The following SLC26A4 variants were observed in gnomAD, a reference collection of about 807,000 sequenced individuals.
SLC26A4 encodes the protein solute carrier family 26 member 4, also known as pendrin.
A neutral mutation model predicts 90.4 loss-of-function variants in SLC26A4; 93 were observed. The ratio of observed to expected loss-of-function variants is 1.03; its 90% CI spans 0.87 to 1.22. The LOEUF is 1.22. Ranked by LOEUF, SLC26A4 falls within the 50% of genes most tolerant of loss-of-function variation. The pLI, the probability that SLC26A4 is intolerant of heterozygous loss-of-function variation, is 0.00. For missense variants in SLC26A4, 1,127 were observed against 946.2 expected (o/e 1.19, Z -2.51); for synonymous variants, 393 against 354.6 (o/e 1.11, Z -1.22).
At chr7:107,685,720 T>C (rs888343873) in intron 8 of SLC26A4, among the ~76,000 whole-genome samples, 2 of 152,224 alleles carry the variant, frequency 1.3e-5, no homozygotes, top group African/African-American at 2.4e-5. Flanking sequence ...GGGTGCTTTC[T>C]TAACCAGCAG....
chr7:107,681,972 T>C (rs1192748988), intron 6 of SLC26A4, among the ~76,000 whole-genome samples: 2 of 151,714 alleles, frequency 1.3e-5, no homozygotes, highest in Admixed American at 6.6e-5. Context: ...AGCCTATTTA[T>C]TGTACTCTCT....
chr7:107,698,240 G>GT, intron 14 of SLC26A4, 129 bp downstream of exon 14: 1 of 721,594 alleles, frequency 1.4e-6, no homozygotes, highest in Non-Finnish European at 2.6e-6. Flanking sequence ...TCCACAGGGA[G>GT]TGTCATGAAA....
chr7:107,686,308 C>CCCTCCCTTT (rs1791402832), intron 8 of SLC26A4, among the ~76,000 whole-genome samples: 2 of 132,298 alleles, frequency 1.5e-5, no homozygotes, highest in East Asian at 5.4e-4. Context: ...TCCCTCCCTT[C>CCCTCCCTTT]CCTCCCTTCC....
At chr7:107,701,739 G>C in intron 16 of SLC26A4, 88 bp from the exon 17 acceptor site, 1 of 886,264 alleles carries the variant, frequency 1.1e-6, no homozygotes, top group Non-Finnish European at 1.9e-6. Context: ...CCAAGGAACA[G>C]TGTGTAGGTC....
At chr7:107,706,581 C>G (rs1327123460) in intron 18 of SLC26A4, among the ~76,000 whole-genome samples, 1 of 152,202 alleles carries the variant, frequency 6.6e-6, no homozygotes, top group African/African-American at 2.4e-5. Flanking sequence ...TATCTAATAT[C>G]TTGAAGTTAC....
intron 4 of SLC26A4, among the ~76,000 whole-genome samples, chr7:107,673,946 G>T (rs1790941946): frequency 1.3e-5 from 2 of 152,060 alleles, no homozygotes; most frequent in Non-Finnish European, 1.5e-5. Context: ...GCTTAGGCTG[G>T]TCTGGAACTC....
chr7:107,704,328 TA>T lies in SLC26A4; in HGVS notation c.2035-2del. On this transcript the variant is annotated splice_acceptor_variant, in intron 17 of 20. Coordinates refer to ENST00000644269, the MANE Select transcript of SLC26A4 (RefSeq NM_000441.2). LOFTEE classifies it high-confidence loss of function. ...GTTACAAACTCTCCTTTTTTATTTT[TA>T]GATTGTCAAAGAATTCCAAAGAATT... 1 of 1,323,606 alleles carries T rather than the reference TA, an allele frequency of 7.6e-7. No individual in the cohort carries two copies. The highest frequency in any genetic ancestry group is 1.1e-6 in the Non-Finnish European group (1 of 920,556). The allele number at this position is 1,323,606 out of a possible 1,614,324, so 82.0% of individuals were successfully genotyped here.
intron 2 of SLC26A4, 26 bp from the exon 3 acceptor site, chr7:107,663,270 A>T: frequency 6.2e-7 from 1 of 1,614,126 alleles, no homozygotes; most frequent in Non-Finnish European, 8.5e-7. Flanking sequence ...TTGGATTGAA[A>T]ACCCAGTTTT....
intron 9 of SLC26A4, 77 bp from the exon 10 acceptor site, chr7:107,690,047 G>A (rs1256776045): frequency 6.0e-5 from 53 of 879,348 alleles, no homozygotes; most frequent in Non-Finnish European, 6.7e-5. Flanking sequence ...CATTCTTAAT[G>A]TACTTCCTGA....
chr7:107,661,872 G>C lies in SLC26A4; in HGVS notation c.164+67G>C, dbSNP rs540483230. 7.4e-5 allele frequency: 109 copies of C among 1,481,696 alleles called. No homozygotes were observed. The African/African-American group carries it at 1.5e-3, about 20-fold the overall frequency. 91.8% of individuals were successfully genotyped at this position (1,481,696 alleles called of 1,614,324 possible). ...GCGTCCACGCCTTGGGGAGGGAAGG[G>C]CGTCCCCAGCGGGCGAGAGTGGGGT... On this transcript the variant is annotated intron_variant, in intron 2 of 20. Transcript: ENST00000644269. The surrounding 1 kb of genome is among the most constrained non-coding windows in gnomAD (Gnocchi z 5.1).
rs530044902 is a variant in SLC26A4, at chr7:107,685,559, G to C, written c.1001+2022G>C. Among the ~76,000 whole-genome samples, 5 of 152,306 alleles carry C rather than the reference G, an allele frequency of 3.3e-5. No homozygotes were observed. The East Asian group carries it at 9.6e-4, about 29-fold the overall frequency. ...CTAGGACCATACGTTAGGACCATAA[G>C]TTAGTCCCCAATAACAATGCCCCAT... On this transcript the variant is annotated intron_variant, in intron 8 of 20. Transcript: ENST00000644269.
intron 13 of SLC26A4, among the ~76,000 whole-genome samples, chr7:107,696,361 G>C (rs780042611): frequency 6.6e-6 from 1 of 152,152 alleles, no homozygotes; most frequent in Non-Finnish European, 1.5e-5. Flanking sequence ...CTACTGCTGT[G>C]CTCTCCTTTT....
chr7:107,667,748 C>T (rs547969897), intron 3 of SLC26A4, among the ~76,000 whole-genome samples: 49 of 152,004 alleles, frequency 3.2e-4, no homozygotes, highest in East Asian at 1.5e-3. Flanking sequence ...AAGGGGCAAA[C>T]GTGGAGGGGT....
At chr7:107,687,931 A>G (rs1262280839) in intron 8 of SLC26A4, among the ~76,000 whole-genome samples, 1 of 152,162 alleles carries the variant, frequency 6.6e-6, no homozygotes. Flanking sequence ...TTCATTCCAC[A>G]GTCTCATTGT....
chr7:107,706,645 C>T (rs76682021), intron 18 of SLC26A4, among the ~76,000 whole-genome samples: 3,764 of 152,232 alleles, frequency 0.025, 154 homozygotes, highest in African/African-American at 0.085. Context: ...GGCTAGCAGC[C>T]CTTGAAGCCA....
chr7:107,677,192 G>GCAACAACAAACAAAAAAC (rs1351578584), intron 6 of SLC26A4, among the ~76,000 whole-genome samples: 22 of 152,004 alleles, frequency 1.4e-4, no homozygotes, highest in Non-Finnish European at 2.6e-4. Context: ...AACAATAACA[G>GCAACAACAAACAAAAAAC]CAACAACAAA....
chr7:107,663,385 T>C lies in SLC26A4; in HGVS notation c.254T>C (p.Leu85Pro). ...LPKYRVKEWLLSDVISGVSTG... is the reference protein window; with the variant it reads ...LPKYRVKEWLPSDVISGVSTG... The stretch of plus-strand genomic sequence containing the variant: ...AAATACCGAGTCAAGGAATGGCTGC[T>C]TAGTGACGTCATTTCGGGAGTTAGT... The change falls in exon 3 of 21, where the codon CTT becomes CCT. Residue 85 changes from leucine (L) to proline (P), a missense_variant. By Grantham distance (98) the Leu-to-Pro change is moderately conservative. Transcript: ENST00000644269. The C allele has an allele frequency of 6.2e-7, 1 of 1,614,160 alleles. No individual in the cohort carries two copies. The highest frequency in any genetic ancestry group is 8.5e-7 in the Non-Finnish European group (1 of 1,179,998).
At chr7:107,667,011 T>C (rs535127884) in intron 3 of SLC26A4, among the ~76,000 whole-genome samples, 1 of 152,232 alleles carries the variant, frequency 6.6e-6, no homozygotes, top group South Asian at 2.1e-4. Context: ...TGGATGAAAA[T>C]CACTGATGCC....
intron 3 of SLC26A4, among the ~76,000 whole-genome samples, chr7:107,669,865 A>G (rs1460076687): frequency 2.0e-5 from 3 of 152,226 alleles, no homozygotes; most frequent in Non-Finnish European, 2.9e-5. Flanking sequence ...ATACTTATCT[A>G]TATAAAAGTA....
Sources: allele counts gnomAD v4.1 joint callset (sites outside exome capture counted in the v4.1 genomes callset), GRCh38; gene constraint gnomAD v4.1.1; non-coding constraint Gnocchi (gnomAD v3.1); transcripts MANE v1.5; gene names NCBI Gene and HGNC (gene_info 2026-07-23, HGNC 2026-07-21).